VIRMA: variants seen among roughly 807,000 people sequenced by gnomAD.
VIRMA encodes protein virilizer homolog.
A neutral mutation model predicts 182.4 loss-of-function variants in VIRMA; 65 were observed. That is an observed-to-expected ratio of 0.36 (90% CI 0.29 to 0.44). VIRMA has a LOEUF of 0.44. Among genes scored for constraint, VIRMA ranks in the 20% least tolerant of loss-of-function variants. The pLI, the probability that VIRMA is intolerant of heterozygous loss-of-function variation, is 1.00. For missense variants in VIRMA, 1,752 were observed against 2,158.1 expected (o/e 0.81, Z 3.73); for synonymous variants, 709 against 743.1 (o/e 0.95, Z 0.75).
intron 2 of VIRMA, among the ~76,000 whole-genome samples, chr8:94,540,646 G>C (rs1327391980): frequency 6.6e-6 from 1 of 151,694 alleles, no homozygotes; most frequent in African/African-American, 2.4e-5. Context: ...ATTTTTAGTA[G>C]AGGCGGGGTT....
chr8:94,489,551 CTCCTCT>C (rs1230876553), intron 23 of VIRMA, among the ~76,000 whole-genome samples: 1 of 152,148 alleles, frequency 6.6e-6, no homozygotes, highest in Non-Finnish European at 1.5e-5. Context: ...AAGACCTCTC[CTCCTCT>C]TCCTCAGCCT....
In VIRMA at chr8:94,529,278, AT is replaced by A; in HGVS notation, c.671del (p.Asp224ValfsTer17). The A allele has an allele frequency of 6.2e-7, 1 of 1,613,158 alleles. No individual in the cohort carries two copies. ...REDYFEPISPDRNSVPQEGQY... is the reference protein window; with the variant it reads ...REDYFEPISPXRNSVPQEGQY... The stretch of plus-strand genomic sequence containing the variant: ...GCCCTTCCTGGGGAACAGAATTCCG[AT>A]CAGGAGAAATGGGCTCAAAGTAATC... On this transcript the variant is annotated frameshift_variant, in exon 7 of 24. Transcript: ENST00000297591. LOFTEE classifies it high-confidence loss of function.
In VIRMA at chr8:94,506,725, G is replaced by A; in HGVS notation, c.3880-8C>T. 1.9e-6 allele frequency: 3 copies of A among 1,574,100 alleles called. No individual in the cohort carries two copies. Among genetic ancestry groups the A allele is most frequent in the Non-Finnish European group, 2.6e-6 (3 of 1,157,956 alleles). On this transcript the variant is annotated splice_region_variant and splice_polypyrimidine_tract_variant and intron_variant, in intron 15 of 23. Coordinates refer to ENST00000297591, the MANE Select transcript of VIRMA (RefSeq NM_015496.5). ...TAAGATAAGTGCAATGTCCTGTGGG[G>A]AGCAGGGAAAAAAAAATCGATTTTT...
chr8:94,492,918 T>C (rs959146130), intron 20 of VIRMA, 100 bp from the exon 21 acceptor site: 2 of 979,088 alleles, frequency 2.0e-6, no homozygotes, highest in African/African-American at 3.3e-5. Context: ...TATTTGCCTC[T>C]CATAAGAAAT....
chr8:94,552,311 T>C (rs1816017595), intron 1 of VIRMA, among the ~76,000 whole-genome samples: 1 of 152,144 alleles, frequency 6.6e-6, no homozygotes, highest in Non-Finnish European at 1.5e-5. Flanking sequence ...ATACAATCAC[T>C]ACCCACTATC....
chr8:94,529,119 C>T lies in VIRMA; in HGVS notation c.831G>A (p.Glu277=). The T allele has an allele frequency of 6.6e-7, 1 of 1,523,632 alleles. No individual in the cohort carries two copies. The highest frequency in any genetic ancestry group is 1.1e-5 in the South Asian group (1 of 88,994). 94.4% of individuals were successfully genotyped at this position (1,523,632 alleles called of 1,614,324 possible). A position where few individuals can be genotyped will look rare whatever the true frequency, so the allele number is the denominator to read the frequency against. The stretch of plus-strand genomic sequence containing the variant: ...CTTCTTCCTCTTCATCTTCCTCTTC[C>T]TCCTCAGGAATACTGTCTACTGTTC... ...DRRTVDSIPE[E]EEEDEEEEGE... The change falls in exon 7 of 24, where the codon GAG becomes GAA. Residue 277 remains glutamate, a synonymous_variant. Coordinates refer to ENST00000297591, the MANE Select transcript of VIRMA (RefSeq NM_015496.5).
At chr8:94,550,200 A>G (rs1008256781) in intron 1 of VIRMA, among the ~76,000 whole-genome samples, 2 of 152,114 alleles carry the variant, frequency 1.3e-5, no homozygotes, top group African/African-American at 4.8e-5. Flanking sequence ...ATGTTAAACA[A>G]TGCTTACTGC....
At chr8:94,520,288 A>G (rs965490786) in intron 8 of VIRMA, among the ~76,000 whole-genome samples, 1 of 151,974 alleles carries the variant, frequency 6.6e-6, no homozygotes, top group Non-Finnish European at 1.5e-5. Flanking sequence ...TGAGCGCAGT[A>G]ATTTCACACC....
chr8:94,544,331 A>C (rs989636444), intron 1 of VIRMA, among the ~76,000 whole-genome samples: 2 of 152,116 alleles, frequency 1.3e-5, no homozygotes, highest in African/African-American at 4.8e-5. Context: ...AGCACCCTGT[A>C]ATCAAAACAT....
intron 22 of VIRMA, 80 bp downstream of exon 22, chr8:94,491,498 C>A: frequency 7.7e-7 from 1 of 1,300,874 alleles, no homozygotes; most frequent in East Asian, 2.4e-5. Context: ...ATCTGAATCT[C>A]TTCCATCTAA....
chr8:94,552,918 A>G (rs1816052177), intron 1 of VIRMA, among the ~76,000 whole-genome samples: 1 of 152,144 alleles, frequency 6.6e-6, no homozygotes, highest in Non-Finnish European at 1.5e-5. Context: ...AGTAAGTGTC[A>G]CAACTGGGGA....
At chr8:94,532,130 G>A (rs539156232) in intron 5 of VIRMA, among the ~76,000 whole-genome samples, 3 of 152,192 alleles carry the variant, frequency 2.0e-5, no homozygotes, top group Non-Finnish European at 2.9e-5. Flanking sequence ...TGTTTGAGAC[G>A]GAGTCTTGCT....
intron 1 of VIRMA, 76 bp downstream of exon 1, chr8:94,553,309 T>C: frequency 1.4e-6 from 2 of 1,407,194 alleles, no homozygotes; most frequent in Middle Eastern, 1.8e-4. Flanking sequence ...GAAGGAAAAG[T>C]GGAGAACGCC....
In VIRMA at chr8:94,495,750, G is replaced by A; in HGVS notation, c.4525C>T (p.Gln1509Ter). 1 of 1,613,392 alleles carries A rather than the reference G, an allele frequency of 6.2e-7. No homozygotes were observed. Among genetic ancestry groups the A allele is most frequent in the East Asian group, 2.2e-5 (1 of 44,852 alleles). ...EPVLSAPESL[Q>*]NLFNNRTAYV... ...TTTTACCTATTGTTAAACAGATTCT[G>A]AAGAGATTCTGGAGCTGAAAGTACT... The change falls in exon 19 of 24, where the codon CAG becomes TAG. Residue 1509 changes from glutamine (Q) to a stop codon, truncating the protein, a stop_gained. Coordinates refer to ENST00000297591, the MANE Select transcript of VIRMA (RefSeq NM_015496.5). LOFTEE classifies it high-confidence loss of function.
chr8:94,523,793 C>T (rs932175817), intron 8 of VIRMA, among the ~76,000 whole-genome samples: 2 of 149,564 alleles, frequency 1.3e-5, no homozygotes, highest in South Asian at 2.1e-4. Context: ...CCACACCTGG[C>T]TAGTTTTTCT....
chr8:94,504,638 C>T (rs936827207), intron 16 of VIRMA, among the ~76,000 whole-genome samples: 1 of 152,038 alleles, frequency 6.6e-6, no homozygotes, highest in Non-Finnish European at 1.5e-5. Flanking sequence ...ATGGTGGAAG[C>T]AAGGAGACCA....
Position 94,495,801 on chromosome 8 carries a change from G to A in VIRMA, c.4474C>T (p.Pro1492Ser), listed in dbSNP as rs1813753652. ...QMLESSGDPLPLSDQDVEPVL... is the reference protein window; with the variant it reads ...QMLESSGDPLSLSDQDVEPVL... Reference sequence around the variant, plus strand: ...GGTTCTACATCCTGGTCACTGAGAGGTAAAGGGTCACCTGATGACTCCAGC... The same window carrying A: ...GGTTCTACATCCTGGTCACTGAGAGATAAAGGGTCACCTGATGACTCCAGC... Residue 1492 changes from proline to serine, a missense_variant, in exon 19 of 24, where the codon CCT (proline) becomes TCT (serine). By Grantham distance (74) the Pro-to-Ser change is moderately conservative. This residue lies in a region of VIRMA where 777 missense variants were observed against 920.6 expected (regional missense o/e 0.84). Coordinates refer to ENST00000297591, the MANE Select transcript of VIRMA (RefSeq NM_015496.5). 4 of 1,613,754 alleles carry A rather than the reference G, an allele frequency of 2.5e-6. No individual in the cohort carries two copies. Among genetic ancestry groups the A allele is most frequent in the Non-Finnish European group, 3.4e-6 (4 of 1,179,820 alleles).
intron 14 of VIRMA, 54 bp downstream of exon 14, chr8:94,510,363 T>C: frequency 1.4e-6 from 2 of 1,422,778 alleles, no homozygotes; most frequent in Non-Finnish European, 9.8e-7. Flanking sequence ...AGGGAAAAAA[T>C]ATATGTGTCA....
chr8:94,506,017 T>C (rs1160833207), intron 16 of VIRMA, among the ~76,000 whole-genome samples: 1 of 152,198 alleles, frequency 6.6e-6, no homozygotes, highest in Non-Finnish European at 1.5e-5. Flanking sequence ...TTATAAGTAA[T>C]CTAAGGTGAT....
Sources: allele counts gnomAD v4.1 joint callset (sites outside exome capture counted in the v4.1 genomes callset), GRCh38; gene constraint gnomAD v4.1.1; regional missense constraint gnomAD v4.1.1; transcripts MANE v1.5; gene names NCBI Gene and HGNC (gene_info 2026-07-23, HGNC 2026-07-21).